Variants in CCDC197 observed in about 807,000 individuals in gnomAD.
The protein encoded by CCDC197 is coiled-coil domain containing 197, also known as uncharacterized protein CCDC197.
Under a neutral mutation model 13.4 loss-of-function variants are expected in CCDC197, and 24 were observed. That is an observed-to-expected ratio of 1.80 (90% CI 1.30 to 2.53). The LOEUF is 2.53. Ranked by LOEUF, CCDC197 falls within the 30% of genes most tolerant of loss-of-function variation. The pLI is 0.00. For synonymous variants in CCDC197, 99 were observed against 55.5 expected, an observed-to-expected ratio of 1.78 and a Z score of -3.48; for missense variants, 255 against 148.8, an observed-to-expected ratio of 1.71 and a Z score of -3.71.
chr14:94,010,776 G>A (rs777123419), downstream of CCDC197, among the ~76,000 whole-genome samples: 5 of 152,176 alleles, frequency 3.3e-5, no homozygotes, highest in Admixed American at 1.3e-4. Flanking sequence ...CATCAAGGGC[G>A]GTGCAAGGGG....
chr14:93,988,767 G>A (rs1327477511), intron 1 of CCDC197, among the ~76,000 whole-genome samples: 1 of 120,080 alleles, frequency 8.3e-6, no homozygotes. Context: ...GGGGTTGGGA[G>A]AGGGAATGGG....
At chr14:94,010,047 G>A (rs116549835), downstream of CCDC197, among the ~76,000 whole-genome samples, 2,136 of 152,286 alleles carry the variant, frequency 0.014, 27 homozygotes, top group South Asian at 0.039. Flanking sequence ...CAAGAACCTC[G>A]AAAGCCCGCT....
intron 1 of CCDC197, among the ~76,000 whole-genome samples, chr14:93,988,971 G>A (rs1890162273): frequency 6.6e-6 from 1 of 151,974 alleles, no homozygotes; most frequent in East Asian, 1.9e-4. Flanking sequence ...CAACAGCAGA[G>A]CCTTAAACCA....
intron 1 of CCDC197, among the ~76,000 whole-genome samples, chr14:93,991,802 G>C (rs1054502014): frequency 1.3e-5 from 2 of 152,200 alleles, no homozygotes; most frequent in Non-Finnish European, 2.9e-5. Flanking sequence ...GAAGAGCTTG[G>C]AGACTTGTGC....
At chr14:93,990,130 G>T (rs1890182488) in intron 1 of CCDC197, among the ~76,000 whole-genome samples, 1 of 152,164 alleles carries the variant, frequency 6.6e-6, no homozygotes, top group Non-Finnish European at 1.5e-5. Flanking sequence ...TTAGACCCGT[G>T]GGTAATCTTC....
chr14:94,004,984 A>C lies in CCDC197; in HGVS notation c.615+13A>C, dbSNP rs556988305. 1.4e-6 allele frequency: 1 copy of C among 700,576 alleles called. No homozygotes were observed. Among genetic ancestry groups the C allele is most frequent in the African/African-American group, 1.7e-5 (1 of 57,360 alleles). 43.4% of individuals were successfully genotyped at this position (700,576 alleles called of 1,614,324 possible). A position where few individuals can be genotyped will look rare whatever the true frequency, so the allele number is the denominator to read the frequency against. ...CGATCTGATTAAGGTAAGGATAGAC[A>C]GATGGCTGCGGGGCTCCTGACTGCC... On this transcript the variant is annotated intron_variant, in intron 6 of 6. Transcript: ENST00000636493.
chr14:94,002,791 C>T (rs1460041948), intron 4 of CCDC197, among the ~76,000 whole-genome samples: 2 of 146,646 alleles, frequency 1.4e-5, no homozygotes, highest in East Asian at 2.0e-4. Context: ...AGGCGGAGGT[C>T]GCAGTAAGCC....
chr14:93,990,226 C>T (rs1051166892), intron 1 of CCDC197, among the ~76,000 whole-genome samples: 1 of 152,202 alleles, frequency 6.6e-6, no homozygotes, highest in African/African-American at 2.4e-5. Flanking sequence ...TGTGACTGCT[C>T]ACCACATTCA....
chr14:94,001,731 C>G, intron 4 of CCDC197: 1 of 160,322 alleles, frequency 6.2e-6, no homozygotes, highest in South Asian at 1.9e-4. Context: ...AAGTAAGTGC[C>G]AGAGACATCA....
At chr14:93,990,971 G>C (rs1028795573) in intron 1 of CCDC197, among the ~76,000 whole-genome samples, 4 of 152,136 alleles carry the variant, frequency 2.6e-5, no homozygotes, top group African/African-American at 9.7e-5. Flanking sequence ...GAGGGTGAGG[G>C]ACTTGCCCAA....
At chr14:93,996,280 G>C (rs879793731), upstream of CCDC197, among the ~76,000 whole-genome samples, 2 of 148,738 alleles carry the variant, frequency 1.3e-5, no homozygotes, top group Non-Finnish European at 2.9e-5. Flanking sequence ...GCACATAAGC[G>C]AGGGGCTCTA....
upstream of CCDC197, among the ~76,000 whole-genome samples, chr14:93,996,406 GCCCC>G (rs1890307954): frequency 1.3e-5 from 2 of 152,014 alleles, no homozygotes; most frequent in African/African-American, 4.8e-5. Context: ...CCCTGCCCCT[GCCCC>G]TGAGCCCAGC....
Position 94,003,245 on chromosome 14 carries a change from A to T in CCDC197, c.389A>T (p.Gln130Leu). The T allele has an allele frequency of 1.3e-6, 1 of 780,958 alleles. No homozygotes were observed. The allele number at this position is 780,958 out of a possible 1,614,324, so 48.4% of individuals were successfully genotyped here. ...CAGAGCCTCAAGATCCGGCTGTGTC[A>T]GCTGCAGAAGAAGTGCTACCGCAAG... ...LMLSLKIRLC[Q>L]LQKKCYRKQE... The change falls in exon 5 of 7, where the codon CAG (glutamine) becomes CTG (leucine). Residue 130 changes from glutamine (Q) to leucine (L), a missense_variant. Physicochemically the swap from Gln to Leu is moderately radical, Grantham distance 113. Coordinates refer to ENST00000636493, the MANE Select transcript of CCDC197 (RefSeq NM_001351596.2). This position sits in a 1 kb window ranked among gnomAD's most constrained non-coding sequence, Gnocchi z 5.0.
At chr14:93,988,882 G>A (rs1474236496) in intron 1 of CCDC197, among the ~76,000 whole-genome samples, 1 of 144,784 alleles carries the variant, frequency 6.9e-6, no homozygotes, top group African/African-American at 2.6e-5. Context: ...GAGATGGGAC[G>A]AGGGGATGGG....
At position 94,008,786 on chromosome 14, in the gene CCDC197, G is replaced by A. The variant is rs909562911; in HGVS notation, c.793G>A (p.Ala265Thr). 1.3e-5 allele frequency: 9 copies of A among 702,428 alleles called. No individual in the cohort carries two copies. The highest frequency in any genetic ancestry group is 7.0e-5 in the African/African-American group (4 of 57,268). The allele number at this position is 702,428 out of a possible 1,614,324, so 43.5% of individuals were successfully genotyped here. Residue 265 changes from alanine to threonine, a missense_variant, in exon 7 of 7, where the codon GCT (alanine) becomes ACT (threonine). Ala to Thr is a moderately conservative substitution (Grantham distance 58). Transcript: ENST00000636493. ...TPRTPFPSPH[A>T]SECSGLY is the part of the protein sequence containing the mutation. Reference sequence around the variant, plus strand: ...CAGGACCCCCTTTCCCAGCCCCCATGCTTCAGAGTGCTCCGGCCTGTACTG... The same window carrying A: ...CAGGACCCCCTTTCCCAGCCCCCATACTTCAGAGTGCTCCGGCCTGTACTG...
At chr14:93,990,337 T>C (rs1409130257) in intron 1 of CCDC197, among the ~76,000 whole-genome samples, 1 of 152,200 alleles carries the variant, frequency 6.6e-6, no homozygotes, top group East Asian at 1.9e-4. Flanking sequence ...AGTACCACTC[T>C]CCTGGTCTTC....
intron 1 of CCDC197, among the ~76,000 whole-genome samples, chr14:93,992,234 A>T (rs1294448825): frequency 6.6e-6 from 1 of 152,058 alleles, no homozygotes; most frequent in Non-Finnish European, 1.5e-5. Flanking sequence ...CCCGCAGGGG[A>T]CAGGAGCAGA....
upstream of CCDC197, among the ~76,000 whole-genome samples, chr14:93,996,758 G>C (rs1890325409): frequency 1.3e-5 from 2 of 152,128 alleles, no homozygotes; most frequent in African/African-American, 4.8e-5. Context: ...GGTGGGGGTG[G>C]GGTGTCAGGG....
intron 1 of CCDC197, among the ~76,000 whole-genome samples, chr14:93,988,458 AG>A (rs1320339392): frequency 2.2e-5 from 1 of 45,434 alleles, no homozygotes; most frequent in African/African-American, 1.0e-4. Context: ...AGGAGATGGG[AG>A]GAGGGGATGG....
Sources: gnomAD v4.1 joint callset for allele counts (sites outside exome capture counted in the v4.1 genomes callset) on GRCh38, gnomAD v4.1.1 for gene constraint, Gnocchi (gnomAD v3.1) non-coding constraint, MANE v1.5 for transcripts, NCBI Gene and HGNC (gene_info 2026-07-23, HGNC 2026-07-21) for gene names.